Variants in NTM observed in about 807,000 individuals in gnomAD.
The protein encoded by NTM is IgLON family member 2.
In NTM, 13 loss-of-function variants were observed where a neutral mutation model predicts 42.1. That is an observed-to-expected ratio of 0.31 (90% CI 0.20 to 0.49). NTM has a LOEUF of 0.49. NTM is among the 20% of genes least tolerant of loss of function. NTM has a pLI of 0.99. For missense variants in NTM, 373 were observed against 452.8 expected (o/e 0.82, Z 1.60); for synonymous variants, 187 against 179.2 (o/e 1.04, Z -0.35).
At chr11:131,867,178 T>C (rs980325535) in intron 1 of NTM, among the ~76,000 whole-genome samples, 12 of 152,208 alleles carry the variant, frequency 7.9e-5, no homozygotes, top group African/African-American at 2.4e-4. Context: ...CTATTTACGC[T>C]TTGTGCAGGG....
chr11:131,428,314 G>A (rs571016887), intron 1 of NTM, among the ~76,000 whole-genome samples: 9 of 152,308 alleles, frequency 5.9e-5, no homozygotes, highest in South Asian at 2.1e-4. Context: ...GAACATCACC[G>A]TAAGTTGGCC....
chr11:131,980,312 C>T (rs1391464313), intron 2 of NTM, among the ~76,000 whole-genome samples: 1 of 152,094 alleles, frequency 6.6e-6, no homozygotes, highest in Non-Finnish European at 1.5e-5. Context: ...CCACAGAGCC[C>T]CATTGATGCT....
chr11:132,226,527 C>T (rs1427942685), intron 4 of NTM, among the ~76,000 whole-genome samples: 1 of 152,116 alleles, frequency 6.6e-6, no homozygotes, highest in African/African-American at 2.4e-5. Context: ...AGTGTCTGTT[C>T]ATATCCTTCG....
chr11:131,691,560 C>CA (rs1164657185), intron 1 of NTM, among the ~76,000 whole-genome samples: 43 of 108,814 alleles, frequency 4.0e-4, no homozygotes, highest in African/African-American at 1.2e-3. Context: ...CCCTGAAAGC[C>CA]CCCCCCCGAC....
At chr11:132,262,829 A>G (rs1227785482) in intron 4 of NTM, among the ~76,000 whole-genome samples, 2 of 152,234 alleles carry the variant, frequency 1.3e-5, no homozygotes, top group Non-Finnish European at 1.5e-5. Context: ...AACTCGCTCC[A>G]GAATGAACTC....
intron 1 of NTM, among the ~76,000 whole-genome samples, chr11:131,842,236 T>C (rs919576374): frequency 6.6e-6 from 1 of 152,136 alleles, no homozygotes; most frequent in African/African-American, 2.4e-5. Flanking sequence ...GAACAGACGG[T>C]GGTCTTTTCT....
intron 4 of NTM, among the ~76,000 whole-genome samples, chr11:132,261,680 C>T (rs573764818): frequency 6.6e-6 from 1 of 152,292 alleles, no homozygotes; most frequent in South Asian, 2.1e-4. Context: ...ATGCTTGTAT[C>T]TCATTGTCTG....
intron 2 of NTM, among the ~76,000 whole-genome samples, chr11:132,077,272 A>T (rs1396542588): frequency 6.6e-6 from 1 of 152,226 alleles, no homozygotes; most frequent in African/African-American, 2.4e-5. Flanking sequence ...TGAGTGACAA[A>T]CTTAGATAAT....
chr11:131,671,818 G>A (rs76687100), intron 1 of NTM, among the ~76,000 whole-genome samples: 2,648 of 152,274 alleles, frequency 0.017, 90 homozygotes, highest in African/African-American at 0.06. Flanking sequence ...GCTGGTGGAG[G>A]CAATGATATT....
chr11:131,661,768 T>C (rs556455565), intron 1 of NTM, among the ~76,000 whole-genome samples: 6 of 152,248 alleles, frequency 3.9e-5, no homozygotes, highest in Middle Eastern at 3.4e-3. Context: ...CTCTTTTTTT[T>C]CCCCCTGTGA....
chr11:131,655,069 G>A (rs934086323), intron 1 of NTM, among the ~76,000 whole-genome samples: 7 of 152,186 alleles, frequency 4.6e-5, no homozygotes, highest in Non-Finnish European at 1.0e-4. Context: ...CGGGCACGCT[G>A]TAGCACACTG....
intron 3 of NTM, among the ~76,000 whole-genome samples, chr11:132,176,730 T>TTTTTTG (rs1555299801): frequency 1.4e-5 from 2 of 140,932 alleles, no homozygotes; most frequent in Non-Finnish European, 3.1e-5. Context: ...AAGTTTTTTT[T>TTTTTTG]TTTTTTTTTT....
chr11:131,662,076 G>A (rs1327923827), intron 1 of NTM: 3 of 152,178 alleles, frequency 2.0e-5, no homozygotes, highest in African/African-American at 4.8e-5. Flanking sequence ...TCACAAACAC[G>A]AGAGAAATCT....
chr11:132,130,763 C>T (rs2137069137), intron 2 of NTM, among the ~76,000 whole-genome samples: 1 of 152,314 alleles, frequency 6.6e-6, no homozygotes, highest in East Asian at 1.9e-4. Flanking sequence ...CGGCAGCAGA[C>T]CTAAGCCGCC....
At chr11:132,119,793 AC>A (rs1254666925) in intron 2 of NTM, among the ~76,000 whole-genome samples, 1 of 152,204 alleles carries the variant, frequency 6.6e-6, no homozygotes, top group African/African-American at 2.4e-5. Flanking sequence ...AAATGCAATC[AC>A]CTGGCAATGC....
intron 4 of NTM, among the ~76,000 whole-genome samples, chr11:132,218,297 A>G (rs1459804408): frequency 1.1e-4 from 17 of 152,186 alleles, no homozygotes; most frequent in Admixed American, 1.1e-3. Flanking sequence ...AAAGAGAGAA[A>G]GCAAAAGTTT....
At chr11:131,419,967 C>A (rs1947332519) in intron 1 of NTM, among the ~76,000 whole-genome samples, 1 of 152,170 alleles carries the variant, frequency 6.6e-6, no homozygotes. Flanking sequence ...CATCATCAAC[C>A]TGCCCCTTCC....
chr11:132,170,273 G>C (rs746880727), intron 3 of NTM, among the ~76,000 whole-genome samples: 2 of 152,080 alleles, frequency 1.3e-5, no homozygotes, highest in Admixed American at 1.3e-4. Context: ...AAGGTCATGG[G>C]GATTCCAGAT....
chr11:131,391,003 T>A (rs967427312), intron 1 of NTM, among the ~76,000 whole-genome samples: 1 of 152,130 alleles, frequency 6.6e-6, no homozygotes, highest in African/African-American at 2.4e-5. Context: ...CCTGGAGCAA[T>A]TCTGTGCTGA....
Sources: gnomAD v4.1 joint callset for allele counts (sites outside exome capture counted in the v4.1 genomes callset) on GRCh38, gnomAD v4.1.1 for gene constraint, MANE v1.5 for transcripts, NCBI Gene and HGNC (gene_info 2026-07-23, HGNC 2026-07-21) for gene names.